OSBPL3: variants seen among roughly 807,000 people sequenced by gnomAD.
OSBPL3 encodes oxysterol binding protein like 3, also known as oxysterol-binding protein-related protein 3.
Under a neutral mutation model 120.1 loss-of-function variants are expected in OSBPL3, and 65 were observed. That is an observed-to-expected ratio of 0.54 (90% CI 0.44 to 0.67). The LOEUF is 0.67. Among genes scored for constraint, OSBPL3 ranks in the 30% least tolerant of loss-of-function variants. The pLI, the probability that OSBPL3 is intolerant of heterozygous loss-of-function variation, is 0.00. For synonymous variants in OSBPL3, 416 were observed against 402.6 expected (o/e 1.03, Z -0.40); for missense variants, 1,004 against 1,082.1 (o/e 0.93, Z 1.01).
chr7:24,826,598 G>A (rs1321471806), intron 16 of OSBPL3, among the ~76,000 whole-genome samples: 1 of 152,058 alleles, frequency 6.6e-6, no homozygotes, highest in African/African-American at 2.4e-5. Flanking sequence ...ATTTGCTGAG[G>A]GGCACCGGGA....
intron 2 of OSBPL3, among the ~76,000 whole-genome samples, chr7:24,886,473 TG>T (rs920114380): frequency 6.6e-6 from 1 of 152,116 alleles, no homozygotes; most frequent in Non-Finnish European, 1.5e-5. Flanking sequence ...GTCATTGGAG[TG>T]GAAGAGCTTA....
At position 24,894,925 on chromosome 7, in the gene OSBPL3, G is replaced by A. The variant is rs1805910004; in HGVS notation, c.-149-2304C>T. Among the ~76,000 whole-genome samples, 1 of 152,168 alleles carries A rather than the reference G, an allele frequency of 6.6e-6. No individual in the cohort carries two copies. Among genetic ancestry groups the A allele is most frequent in the South Asian group, 2.1e-4 (1 of 4,822 alleles). On this transcript the variant is annotated intron_variant, in intron 1 of 22. Coordinates refer to ENST00000313367, the MANE Select transcript of OSBPL3 (RefSeq NM_015550.4). This position sits in a 1 kb window ranked among gnomAD's most constrained non-coding sequence, Gnocchi z 4.1. ...TAGGCCAAATCCAATAGCTATCAAA[G>A]TTGGCACTTAGAGCCAAGGGCTCTG...
intron 17 of OSBPL3, among the ~76,000 whole-genome samples, chr7:24,816,940 C>A (rs895927252): frequency 1.1e-4 from 16 of 152,094 alleles, no homozygotes; most frequent in Non-Finnish European, 1.5e-4. Context: ...GTAGTAAGCA[C>A]ACAGAGAGGC....
intron 1 of OSBPL3, among the ~76,000 whole-genome samples, chr7:24,928,760 T>C (rs1811415962): frequency 6.6e-6 from 1 of 152,230 alleles, no homozygotes; most frequent in Non-Finnish European, 1.5e-5. Flanking sequence ...AATGGAATCA[T>C]ACAGAATATG....
Position 24,822,152 on chromosome 7 carries a change from G to A in OSBPL3, c.1885-1914C>T, listed in dbSNP as rs1260864173. 6.6e-6 allele frequency among the ~76,000 whole-genome samples: 1 copy of A among 152,156 alleles called. No individual in the cohort carries two copies. Among genetic ancestry groups the A allele is most frequent in the Non-Finnish European group, 1.5e-5 (1 of 68,036 alleles). On this transcript the variant is annotated intron_variant, in intron 16 of 22. Coordinates refer to ENST00000313367, the MANE Select transcript of OSBPL3 (RefSeq NM_015550.4). This position sits in a 1 kb window ranked among gnomAD's most constrained non-coding sequence, Gnocchi z 5.8. ...GCCTCCCAAAGTGCTGGGATTACAGGTGTGAGCCACCATATCCAGTTATCT... is the reference window on the plus strand; with the variant it reads ...GCCTCCCAAAGTGCTGGGATTACAGATGTGAGCCACCATATCCAGTTATCT...
rs1160405031 is a variant in OSBPL3 at position 24,932,204 on chromosome 7, T to C, written c.-149-39583A>G. Among the ~76,000 whole-genome samples, 1 of 152,202 alleles carries C rather than the reference T, an allele frequency of 6.6e-6. No homozygotes were observed. The highest frequency in any genetic ancestry group is 1.9e-4 in the East Asian group (1 of 5,198). On this transcript the variant is annotated intron_variant, in intron 1 of 22. Transcript: ENST00000313367. This position sits in a 1 kb window ranked among gnomAD's most constrained non-coding sequence, Gnocchi z 5.6. ...TGTCCCACTTTAAAGCTTCGGCAAC[T>C]GAGGCTTAACAAGGTCATATTTGTC...
In OSBPL3 at chr7:24,877,111, T is replaced by C. The variant is rs925279693; in HGVS notation, c.97-5042A>G. 2.0e-5 allele frequency among the ~76,000 whole-genome samples: 3 copies of C among 152,220 alleles called. No homozygotes were observed. Among genetic ancestry groups the C allele is most frequent in the African/African-American group, 7.2e-5 (3 of 41,464 alleles). ...AAGCCACCTGACTGCAGAACTTACA[T>C]TTTTAATCATTCTGTCACATATTAT... On this transcript the variant is annotated intron_variant, in intron 2 of 22. Transcript: ENST00000313367. The surrounding 1 kb of genome is among the most constrained non-coding windows in gnomAD (Gnocchi z 4.8).
At chr7:24,970,104 C>CTTT (rs10540160) in intron 1 of OSBPL3, among the ~76,000 whole-genome samples, 69 of 82,986 alleles carry the variant, frequency 8.3e-4, no homozygotes, top group Non-Finnish European at 1.2e-3. Flanking sequence ...TCGTCCCTTT[C>CTTT]TTTTTTTTTT....
chr7:24,873,609 G>A lies in OSBPL3; in HGVS notation c.97-1540C>T, dbSNP rs1359183888. ...ATTAGAGGATTTTTTTTTTAAGGAA[G>A]GTAGCAATGTTGAATGAGATTTCTT... is the stretch of plus-strand genomic sequence containing the variant. On this transcript the variant is annotated intron_variant, in intron 2 of 22. Transcript: ENST00000313367. This position sits in a 1 kb window ranked among gnomAD's most constrained non-coding sequence, Gnocchi z 4.1. 6.6e-6 allele frequency among the ~76,000 whole-genome samples: 1 copy of A among 151,390 alleles called. No individual in the cohort carries two copies. Among genetic ancestry groups the A allele is most frequent in the African/African-American group, 2.4e-5 (1 of 41,260 alleles).
At chr7:24,839,110 C>A (rs892164632) in intron 14 of OSBPL3, among the ~76,000 whole-genome samples, 4 of 152,216 alleles carry the variant, frequency 2.6e-5, no homozygotes, top group Admixed American at 1.3e-4. Context: ...CACACATACA[C>A]ACTGAGCTGA....
In OSBPL3 at chr7:24,968,333, A is replaced by C. The variant is rs1816616046; in HGVS notation, c.-150+11553T>G. Among the ~76,000 whole-genome samples the C allele has an allele frequency of 6.6e-6, 1 of 152,240 alleles. No individual in the cohort carries two copies. The highest frequency in any genetic ancestry group is 1.5e-5 in the Non-Finnish European group (1 of 68,034). ...AACTACCAACATGAAGTAATCAGCC[A>C]AGGGCTTGGGAAGTCACGCACAGTT... On this transcript the variant is annotated intron_variant, in intron 1 of 22. Coordinates refer to ENST00000313367, the MANE Select transcript of OSBPL3 (RefSeq NM_015550.4). This position sits in a 1 kb window ranked among gnomAD's most constrained non-coding sequence, Gnocchi z 4.6.
At position 24,830,513 on chromosome 7, in the gene OSBPL3, T is replaced by G. The variant is rs1368640075; in HGVS notation, c.1884+255A>C. On this transcript the variant is annotated intron_variant, in intron 16 of 22. Coordinates refer to ENST00000313367, the MANE Select transcript of OSBPL3 (RefSeq NM_015550.4). The surrounding 1 kb of genome is among the most constrained non-coding windows in gnomAD (Gnocchi z 4.4). Reference sequence around the variant, plus strand: ...CTTTCAAAATTCCTTGTGCTAATGATTTTAAAGAGAAAGGACACCGGCAAT... The same window carrying G: ...CTTTCAAAATTCCTTGTGCTAATGAGTTTAAAGAGAAAGGACACCGGCAAT... Among the ~76,000 whole-genome samples the G allele has an allele frequency of 3.3e-5, 5 of 152,266 alleles. No individual in the cohort carries two copies. The East Asian group carries it at 5.8e-4, about 18-fold the overall frequency.
In OSBPL3 at chr7:24,851,389, T is replaced by C. The variant is rs958839305; in HGVS notation, c.1158+1115A>G. On this transcript the variant is annotated intron_variant, in intron 11 of 22. Coordinates refer to ENST00000313367, the MANE Select transcript of OSBPL3 (RefSeq NM_015550.4). The surrounding 1 kb of genome is among the most constrained non-coding windows in gnomAD (Gnocchi z 4.1). The stretch of plus-strand genomic sequence containing the variant: ...ATACTTGTAATGGTCCATCAGTGAA[T>C]ACTCCTTACATATTCTACAACAACT... Among the ~76,000 whole-genome samples, 4 of 152,224 alleles carry C rather than the reference T, an allele frequency of 2.6e-5. No individual in the cohort carries two copies. Among genetic ancestry groups the C allele is most frequent in the African/African-American group, 7.2e-5 (3 of 41,460 alleles).
intron 17 of OSBPL3, among the ~76,000 whole-genome samples, 176 bp from the exon 18 acceptor site, chr7:24,816,864 A>T (rs1794540023): frequency 6.6e-6 from 1 of 152,204 alleles, no homozygotes; most frequent in African/African-American, 2.4e-5. Context: ...GGGCCCTTGG[A>T]GCAGAATCAG....
At chr7:24,801,557 A>C (rs1458193344) in intron 22 of OSBPL3, among the ~76,000 whole-genome samples, 1 of 152,220 alleles carries the variant, frequency 6.6e-6, no homozygotes. Context: ...CTTTGACATA[A>C]TGAAACATAT....
Position 24,870,714 on chromosome 7 carries a change from A to C in OSBPL3, c.381+18T>G. On this transcript the variant is annotated intron_variant, in intron 5 of 22. Coordinates refer to ENST00000313367, the MANE Select transcript of OSBPL3 (RefSeq NM_015550.4). ...TCCCCAACATAAGTGAACTCTGCAC[A>C]GTGGGAAGCAGCCTCACCTTCAGAT... 7.0e-7 allele frequency: 1 copy of C among 1,428,730 alleles called. No individual in the cohort carries two copies. The highest frequency in any genetic ancestry group is 9.9e-7 in the Non-Finnish European group (1 of 1,010,394). 88.5% of individuals were successfully genotyped at this position (1,428,730 alleles called of 1,614,324 possible).
chr7:24,877,722 G>A lies in OSBPL3; in HGVS notation c.97-5653C>T, dbSNP rs755104541. Among the ~76,000 whole-genome samples the A allele has an allele frequency of 2.6e-5, 4 of 152,146 alleles. No individual in the cohort carries two copies. The highest frequency in any genetic ancestry group is 4.8e-5 in the African/African-American group (2 of 41,424). On this transcript the variant is annotated intron_variant, in intron 2 of 22. Transcript: ENST00000313367. This position sits in a 1 kb window ranked among gnomAD's most constrained non-coding sequence, Gnocchi z 4.8. ...TGGCACTCAGGACAGAAAACAAGAG[G>A]GATGTTGGTTTCTCTTGGCTAAAGG...
chr7:24,961,126 A>C (rs956071830), intron 1 of OSBPL3, among the ~76,000 whole-genome samples: 3 of 152,210 alleles, frequency 2.0e-5, no homozygotes, highest in Non-Finnish European at 4.4e-5. Context: ...TAACAATGTA[A>C]GCTAAGAATG....
chr7:24,908,869 G>C (rs1167321543), intron 1 of OSBPL3, among the ~76,000 whole-genome samples: 1 of 152,112 alleles, frequency 6.6e-6, no homozygotes, highest in East Asian at 1.9e-4. Flanking sequence ...TCTTAAACAA[G>C]TTAGCAAATC....
Sources: allele counts gnomAD v4.1 joint callset (sites outside exome capture counted in the v4.1 genomes callset), GRCh38; gene constraint gnomAD v4.1.1; non-coding constraint Gnocchi (gnomAD v3.1); transcripts MANE v1.5; gene names NCBI Gene and HGNC (gene_info 2026-07-23, HGNC 2026-07-21).